The following CLTC variants were observed in gnomAD, a reference collection of about 807,000 sequenced individuals.
CLTC encodes the protein clathrin heavy chain 1.
In CLTC, 16 loss-of-function variants were observed where a neutral mutation model predicts 195.8. That is an observed-to-expected ratio of 0.08 (90% CI 0.06 to 0.12). The LOEUF (loss-of-function observed/expected upper bound fraction) is 0.12, where lower values mean the gene tolerates loss of function less well. CLTC is among the 10% of genes least tolerant of loss of function. The pLI is 1.00. For synonymous variants in CLTC, 667 were observed against 689.4 expected, an observed-to-expected ratio of 0.97 and a Z score of 0.51; for missense variants, 796 against 2,027.0, an observed-to-expected ratio of 0.39 and a Z score of 11.66.
At chr17:59,631,322 A>G (rs1048493209) in intron 1 of CLTC, among the ~76,000 whole-genome samples, 12 of 152,156 alleles carry the variant, frequency 7.9e-5, no homozygotes, top group African/African-American at 2.9e-4. Flanking sequence ...ACTGAGTGGG[A>G]GTGTCTCATT....
chr17:59,674,186 G>T (rs1229177915), intron 15 of CLTC, among the ~76,000 whole-genome samples: 2 of 151,984 alleles, frequency 1.3e-5, no homozygotes, highest in African/African-American at 4.8e-5. Flanking sequence ...TAAAATATAA[G>T]AATAGAACTG....
chr17:59,675,028 T>C (rs1207108139), intron 16 of CLTC, among the ~76,000 whole-genome samples, 185 bp downstream of exon 16: 3 of 152,232 alleles, frequency 2.0e-5, no homozygotes, highest in Non-Finnish European at 4.4e-5. Context: ...TGAAACATTA[T>C]AGCTGTCATA....
chr17:59,679,391 C>CT lies in CLTC; in HGVS notation c.2797-3dup. 1 of 1,596,590 alleles carries CT rather than the reference C, an allele frequency of 6.3e-7. No homozygotes were observed. The highest frequency in any genetic ancestry group is 1.7e-4 in the Middle Eastern group (1 of 6,004). ...CCTTGAAATTAATCTATCATATCTT[C>CT]TTTAGGTTTGCAATGAGAATTCCCT... On this transcript the variant is annotated splice_region_variant and splice_polypyrimidine_tract_variant and intron_variant, in intron 17 of 31. Coordinates refer to ENST00000269122, the MANE Select transcript of CLTC (RefSeq NM_004859.4).
At chr17:59,643,623 T>A (rs2143495031) in intron 1 of CLTC, among the ~76,000 whole-genome samples, 1 of 152,332 alleles carries the variant, frequency 6.6e-6, no homozygotes, top group South Asian at 2.1e-4. Context: ...GTTACAAAAG[T>A]ACTTGTAGTT....
In CLTC at chr17:59,685,841, T is replaced by A; in HGVS notation, c.4827+33T>A. The A allele has an allele frequency of 6.8e-7, 1 of 1,465,592 alleles. No individual in the cohort carries two copies. The highest frequency in any genetic ancestry group is 2.4e-5 in the East Asian group (1 of 41,994). 90.8% of individuals were successfully genotyped at this position (1,465,592 alleles called of 1,614,324 possible). A position where few individuals can be genotyped will look rare whatever the true frequency, so the allele number is the denominator to read the frequency against. On this transcript the variant is annotated intron_variant, in intron 30 of 31. Coordinates refer to ENST00000269122, the MANE Select transcript of CLTC (RefSeq NM_004859.4). The surrounding 1 kb of genome is among the most constrained non-coding windows in gnomAD (Gnocchi z 5.0). Reference sequence around the variant, plus strand: ...CTCTTCTAAGTGTATTCAGAACTAGTTTCCTTGCATGTAAAATTCTACATG... The same window carrying A: ...CTCTTCTAAGTGTATTCAGAACTAGATTCCTTGCATGTAAAATTCTACATG...
chr17:59,621,473 A>G (rs1266423090), intron 1 of CLTC, among the ~76,000 whole-genome samples: 1 of 152,234 alleles, frequency 6.6e-6, no homozygotes, highest in Non-Finnish European at 1.5e-5. Flanking sequence ...GGCATAGCAT[A>G]CATAAAGGAT....
At chr17:59,673,871 G>A (rs1303034904) in intron 15 of CLTC, 99 bp downstream of exon 15, 5 of 686,456 alleles carry the variant, frequency 7.3e-6, no homozygotes, top group Non-Finnish European at 1.2e-5. Context: ...AATAAGAGTG[G>A]TCTGCAGCTT....
rs374654773 is a variant in CLTC, at chr17:59,647,674, T to G, written c.519+8T>G. 18 of 1,610,446 alleles carry G rather than the reference T, an allele frequency of 1.1e-5. No homozygotes were observed. Among genetic ancestry groups the G allele is most frequent in the Non-Finnish European group, 1.4e-5 (17 of 1,177,390 alleles). ...ACTGGTATATCTGCACAGGTAACAT[T>G]TTAACTATTTTTTTATGAAGAAGAG... On this transcript the variant is annotated splice_region_variant and intron_variant, in intron 3 of 31. Coordinates refer to ENST00000269122, the MANE Select transcript of CLTC (RefSeq NM_004859.4).
At chr17:59,620,875 C>T (rs558600546) in intron 1 of CLTC, among the ~76,000 whole-genome samples, 1 of 152,292 alleles carries the variant, frequency 6.6e-6, no homozygotes, top group South Asian at 2.1e-4. Flanking sequence ...AAACTCGCCT[C>T]CCCTTCCCCC....
rs2143601246 is a variant in CLTC, at chr17:59,685,328, G to C, written c.4605+102G>C. ...AAAAGTATTGGTTTTGTGAATATGA[G>C]AGCTGACTTTAAGGCAATTTAAGTT... On this transcript the variant is annotated intron_variant, in intron 29 of 31. Transcript: ENST00000269122. The surrounding 1 kb of genome is among the most constrained non-coding windows in gnomAD (Gnocchi z 5.0). 4 of 1,206,448 alleles carry C rather than the reference G, an allele frequency of 3.3e-6. No homozygotes were observed. The highest frequency in any genetic ancestry group is 2.6e-5 in the East Asian group (1 of 38,292). 74.7% of individuals were successfully genotyped at this position (1,206,448 alleles called of 1,614,324 possible).
intron 16 of CLTC, among the ~76,000 whole-genome samples, chr17:59,675,696 A>T (rs1288544291): frequency 6.6e-6 from 1 of 151,616 alleles, no homozygotes. Context: ...TAAGAGGTTC[A>T]GTTGAGTCTG....
rs111452880 is a variant in CLTC at position 59,682,790 on chromosome 17, A to G, written c.3762A>G (p.Lys1254=). 41 of 1,613,592 alleles carry G rather than the reference A, an allele frequency of 2.5e-5. 1 individual carries two copies. In the African/African-American group the frequency reaches 3.6e-4, roughly 14 times the overall value. Residue 1254 remains lysine (K), a synonymous_variant, in exon 23 of 32, where the codon AAA becomes AAG. Transcript: ENST00000269122. The surrounding 1 kb of genome is among the most constrained non-coding windows in gnomAD (Gnocchi z 6.8). The part of the protein sequence containing the change: ...ARKANSTRTW[K]EVCFACVDGK... ...AAGCTAACAGTACTCGAACATGGAA[A>G]GAGGTAATCTAAACCCAAGTTTGAG...
chr17:59,659,950 A>G (rs1317919093), intron 6 of CLTC, among the ~76,000 whole-genome samples: 1 of 152,146 alleles, frequency 6.6e-6, no homozygotes, highest in African/African-American at 2.4e-5. Flanking sequence ...CCTAAATGTC[A>G]TTTAGATATC....
intron 5 of CLTC, among the ~76,000 whole-genome samples, chr17:59,651,689 A>G (rs995516644): frequency 6.6e-6 from 1 of 152,258 alleles, no homozygotes; most frequent in East Asian, 1.9e-4. Context: ...TTATTGCTAA[A>G]AAATGTTAAT....
intron 1 of CLTC, among the ~76,000 whole-genome samples, chr17:59,624,814 G>GA (rs1388815499): frequency 6.6e-6 from 1 of 151,758 alleles, no homozygotes; most frequent in Non-Finnish European, 1.5e-5. Flanking sequence ...TATTAAAAGT[G>GA]AAAAAACATA....
chr17:59,667,409 G>A (rs573931557), intron 13 of CLTC, among the ~76,000 whole-genome samples: 6 of 152,216 alleles, frequency 3.9e-5, no homozygotes, highest in East Asian at 1.9e-4. Flanking sequence ...ATTATAATGC[G>A]AATATTCCAA....
At chr17:59,680,029 A>T (rs779931057) in intron 18 of CLTC, among the ~76,000 whole-genome samples, 21 of 152,134 alleles carry the variant, frequency 1.4e-4, no homozygotes, top group Non-Finnish European at 2.4e-4. Flanking sequence ...CCTGGGTGAT[A>T]AGAGCAAGAC....
chr17:59,624,762 C>A (rs1224758322), intron 1 of CLTC, among the ~76,000 whole-genome samples: 2 of 152,040 alleles, frequency 1.3e-5, no homozygotes, highest in Non-Finnish European at 2.9e-5. Flanking sequence ...AGCTGCTGCT[C>A]CTGGCCTCAT....
chr17:59,634,125 T>G (rs1312584629), intron 1 of CLTC, among the ~76,000 whole-genome samples: 1 of 152,072 alleles, frequency 6.6e-6, no homozygotes, highest in Admixed American at 6.5e-5. Flanking sequence ...CCCAGGCTGG[T>G]CTTGAACACC....
Sources: gnomAD v4.1 joint callset for allele counts (sites outside exome capture counted in the v4.1 genomes callset) on GRCh38, gnomAD v4.1.1 for gene constraint, Gnocchi (gnomAD v3.1) non-coding constraint, MANE v1.5 for transcripts, NCBI Gene and HGNC (gene_info 2026-07-23, HGNC 2026-07-21) for gene names.